Variants in TMED6 observed in about 807,000 individuals in gnomAD.
TMED6 encodes transmembrane emp24 domain-containing protein 6.
In TMED6, 17 loss-of-function variants were observed where a neutral mutation model predicts 26.5. The ratio of observed to expected loss-of-function variants is 0.64; its 90% CI spans 0.44 to 0.96. The LOEUF is 0.96. Ranked by LOEUF, TMED6 falls within the 40% of genes least tolerant of loss-of-function variation. TMED6 has a pLI of 0.00. For missense variants in TMED6, 309 were observed against 296.5 expected (o/e 1.04, Z -0.31); for synonymous variants, 107 against 106.2 (o/e 1.01, Z -0.04).
rs2012617206 is a variant in TMED6 at position 69,343,461 on chromosome 16, C to T, written c.669G>A (p.Leu223=). ...TTGTTGGAACATTGAAGAGACGCTT[C>T]AAGAAATACAGTTGCAGGATCCCAG... is the stretch of plus-strand genomic sequence containing the variant. The part of the protein sequence containing the change: ...ILSGILQLYF[L]KRLFNVPTTT... The change falls in exon 4 of 4, where the codon TTG becomes TTA. Residue 223 remains leucine, a synonymous_variant. Coordinates refer to ENST00000288025, the MANE Select transcript of TMED6 (RefSeq NM_144676.4). 6.2e-7 allele frequency: 1 copy of T among 1,614,150 alleles called. No homozygotes were observed. Among genetic ancestry groups the T allele is most frequent in the Non-Finnish European group, 8.5e-7 (1 of 1,180,032 alleles).
Position 69,343,420 on chromosome 16 carries a change from T to A in TMED6, c.710A>T (p.Lys237Met). ...AGTCACCTTAGCTTAGCATCTTGGC[T>A]TCTTTGTATCTGTAGTTGTTGGAAC... ...FNVPTTTDTK[K>M]PRC Residue 237 changes from lysine to methionine, a missense_variant, in exon 4 of 4, where the codon AAG becomes ATG. By Grantham distance (95) the Lys-to-Met change is moderately conservative (BLOSUM62 -1). Transcript: ENST00000288025. 2 of 1,614,106 alleles carry A rather than the reference T, an allele frequency of 1.2e-6. No homozygotes were observed.
rs72795298 is a variant in TMED6 at position 69,348,295 on chromosome 16, C to T, written c.341-359G>A. ...GCCTGGTCCTTGTATACAATTAAAGCTAGGGACACCATCTTGAACTTGAAA... is the reference window on the plus strand; with the variant it reads ...GCCTGGTCCTTGTATACAATTAAAGTTAGGGACACCATCTTGAACTTGAAA... On this transcript the variant is annotated intron_variant, in intron 2 of 3. Transcript: ENST00000288025. The T allele has an allele frequency of 5.3e-3, 938 of 175,558 alleles. 10 individuals are homozygous for T. The highest frequency in any genetic ancestry group is 0.026 in the Admixed American group (458 of 17,808). 10.9% of individuals were successfully genotyped at this position (175,558 alleles called of 1,614,324 possible). A position where few individuals can be genotyped will look rare whatever the true frequency, so the allele number is the denominator to read the frequency against.
Position 69,351,615 on chromosome 16 carries a change from T to C in TMED6, c.139A>G (p.Met47Val), listed in dbSNP as rs745379323. 1.2e-6 allele frequency: 2 copies of C among 1,614,114 alleles called. No individual in the cohort carries two copies. Among genetic ancestry groups the C allele is most frequent in the East Asian group, 2.2e-5 (1 of 44,884 alleles). ...RGADRYDFAI[M>V]IPPGGTECFW... ...CATTCCGTGCCTCCTGGAGGTATCA[T>C]GATGGCAAAGTCATATCGATCAGCT... The change falls in exon 1 of 4, where the codon ATG becomes GTG. Residue 47 changes from methionine (M) to valine (V), a missense_variant. Transcript: ENST00000288025.
At chr16:69,344,547 C>T (rs1207590359) in intron 3 of TMED6, among the ~76,000 whole-genome samples, 3 of 151,552 alleles carry the variant, frequency 2.0e-5, no homozygotes, top group Admixed American at 6.6e-5. Context: ...CCGAGACGGG[C>T]GGATTACCTG....
rs1319222730 is a variant in TMED6 at position 69,348,180 on chromosome 16, CAA to C, written c.341-246_341-245del. 4 of 361,180 alleles carry C rather than the reference CAA, an allele frequency of 1.1e-5. No homozygotes were observed. The Admixed American group carries it at 1.6e-4, about 15-fold the overall frequency. 22.4% of individuals were successfully genotyped at this position (361,180 alleles called of 1,614,324 possible). A position where few individuals can be genotyped will look rare whatever the true frequency, so the allele number is the denominator to read the frequency against. ...TCTTTCCATACTGGGTAGTGGCAAA[CAA>C]TGTTTTCTCTTTAACATATAATTCC... On this transcript the variant is annotated intron_variant, in intron 2 of 3. Transcript: ENST00000288025.
At chr16:69,348,842 T>C (rs762743646) in intron 2 of TMED6, among the ~76,000 whole-genome samples, 2 of 152,188 alleles carry the variant, frequency 1.3e-5, no homozygotes, top group Admixed American at 6.5e-5. Context: ...CGCAAACTCC[T>C]GACCTCAGGT....
intron 3 of TMED6, 71 bp from the exon 4 acceptor site, chr16:69,343,711 A>G (rs1426343664): frequency 7.5e-6 from 9 of 1,207,076 alleles, no homozygotes; most frequent in African/African-American, 1.5e-5. Flanking sequence ...GCTCACTAGC[A>G]CTAACCTATC....
intron 3 of TMED6, among the ~76,000 whole-genome samples, chr16:69,345,668 C>CT (rs1439493118): frequency 8.6e-6 from 1 of 115,896 alleles, no homozygotes; most frequent in Non-Finnish European, 1.6e-5. Flanking sequence ...GGACGACAGA[C>CT]TGACTCTCTC....
At chr16:69,344,400 A>C (rs1230514793) in intron 3 of TMED6, among the ~76,000 whole-genome samples, 1 of 152,220 alleles carries the variant, frequency 6.6e-6, no homozygotes, top group East Asian at 1.9e-4. Flanking sequence ...TTGTCAAATG[A>C]GCATGGCTGT....
At chr16:69,343,930 G>C (rs2012634731) in intron 3 of TMED6, among the ~76,000 whole-genome samples, 1 of 152,074 alleles carries the variant, frequency 6.6e-6, no homozygotes, top group East Asian at 1.9e-4. Context: ...CTGCGCTCAA[G>C]TGATCTTCCC....
At position 69,347,827 on chromosome 16, in the gene TMED6, CT is replaced by C; in HGVS notation, c.449del (p.Lys150ArgfsTer6). On this transcript the variant is annotated frameshift_variant, in exon 3 of 4. Coordinates refer to ENST00000288025, the MANE Select transcript of TMED6 (RefSeq NM_144676.4). LOFTEE classifies it high-confidence loss of function. ...YEGPETDHKQKERKQLNDTLD... is the reference protein window; with the variant it reads ...YEGPETDHKQXERKQLNDTLD... ...GAGTATCATTCAGTTGTTTTCTTTC[CT>C]TCTGTTTGTGATCAGTCTCAGGCCC... is the stretch of plus-strand genomic sequence containing the variant. 1 of 1,614,066 alleles carries C rather than the reference CT, an allele frequency of 6.2e-7. No homozygotes were observed. Among genetic ancestry groups the C allele is most frequent in the African/African-American group, 1.3e-5 (1 of 75,010 alleles).
At chr16:69,347,766 C>G in intron 3 of TMED6, 22 bp downstream of exon 3, 1 of 1,612,820 alleles carries the variant, frequency 6.2e-7, no homozygotes, top group Non-Finnish European at 8.5e-7. Flanking sequence ...AGATGTTTCT[C>G]TTCCACAAAA....
At chr16:69,346,449 T>C (rs559437593) in intron 3 of TMED6, among the ~76,000 whole-genome samples, 9 of 152,256 alleles carry the variant, frequency 5.9e-5, no homozygotes, top group African/African-American at 1.9e-4. Context: ...TGGATGAACG[T>C]TGAGAACATG....
intron 1 of TMED6, 72 bp downstream of exon 1, chr16:69,351,469 C>A: frequency 6.7e-7 from 1 of 1,489,256 alleles, no homozygotes; most frequent in South Asian, 1.2e-5. Flanking sequence ...TTGTTTTGGC[C>A]TAAAACCTGA....
At chr16:69,347,709 A>G (rs150696295) in intron 3 of TMED6, 79 bp downstream of exon 3, 4 of 1,575,854 alleles carry the variant, frequency 2.5e-6, no homozygotes, top group Non-Finnish European at 3.5e-6. Context: ...TTTGGTTTCT[A>G]CCTAAATGAA....
intron 3 of TMED6, 116 bp from the exon 4 acceptor site, chr16:69,343,756 T>C (rs778150179): frequency 1.3e-6 from 1 of 771,438 alleles, no homozygotes; most frequent in Non-Finnish European, 2.2e-6. Context: ...GATTTTAAGA[T>C]GTACAATACA....
intron 3 of TMED6, among the ~76,000 whole-genome samples, chr16:69,344,633 T>C (rs1220622218): frequency 1.6e-4 from 23 of 142,990 alleles, no homozygotes; most frequent in East Asian, 8.5e-4. Context: ...ATTAGCCAGG[T>C]GTGGTGGCAC....
At chr16:69,350,672 C>T (rs751737766) in intron 1 of TMED6, among the ~76,000 whole-genome samples, 29 of 152,208 alleles carry the variant, frequency 1.9e-4, no homozygotes, top group Admixed American at 3.9e-4. Flanking sequence ...TGGGCATTTG[C>T]TGCTTGGCAG....
chr16:69,345,288 AAG>A (rs1040223760), intron 3 of TMED6, among the ~76,000 whole-genome samples: 8 of 151,644 alleles, frequency 5.3e-5, no homozygotes, highest in Non-Finnish European at 1.0e-4. Flanking sequence ...AAAAAGAAAA[AAG>A]AAAGTGAAAA....
Sources: allele counts gnomAD v4.1 joint callset (sites outside exome capture counted in the v4.1 genomes callset), GRCh38; gene constraint gnomAD v4.1.1; transcripts MANE v1.5; gene names NCBI Gene and HGNC (gene_info 2026-07-23, HGNC 2026-07-21).